CADPS2: variants seen among roughly 807,000 people sequenced by gnomAD.
CADPS2 encodes the protein calcium dependent secretion activator 2, also known as calcium-dependent secretion activator 2.
Under a neutral mutation model 172.5 loss-of-function variants are expected in CADPS2, and 93 were observed. The observed-to-expected ratio is 0.54, with a 90% CI of 0.46 to 0.64. The LOEUF is 0.64. Among genes scored for constraint, CADPS2 ranks in the 30% least tolerant of loss-of-function variants. The pLI, the probability that CADPS2 is intolerant of heterozygous loss-of-function variation, is 0.00. For synonymous variants in CADPS2, 546 were observed against 555.2 expected (o/e 0.98, Z 0.23); for missense variants, 1,420 against 1,565.9 (o/e 0.91, Z 1.57).
At chr7:122,343,017 A>AAG (rs1186071148) in intron 28 of CADPS2, among the ~76,000 whole-genome samples, 1 of 152,172 alleles carries the variant, frequency 6.6e-6, no homozygotes, top group Non-Finnish European at 1.5e-5. Flanking sequence ...CTGTTGCTTA[A>AAG]GATACACATT....
At chr7:122,817,989 GC>G (rs1802016329) in intron 1 of CADPS2, among the ~76,000 whole-genome samples, 1 of 117,978 alleles carries the variant, frequency 8.5e-6, no homozygotes, top group Admixed American at 9.6e-5. Flanking sequence ...TTATTTCCAT[GC>G]CCCGACCCCT....
At chr7:122,536,624 C>G (rs1414903627) in intron 8 of CADPS2, among the ~76,000 whole-genome samples, 1 of 152,008 alleles carries the variant, frequency 6.6e-6, no homozygotes, top group Admixed American at 6.6e-5. Flanking sequence ...GGGTCAGTAA[C>G]TGGAGTCTGA....
chr7:122,541,867 G>GTTTATATATTCATATGTTTATATATT (rs2063116306), intron 8 of CADPS2, among the ~76,000 whole-genome samples: 2 of 97,130 alleles, frequency 2.1e-5, no homozygotes, highest in African/African-American at 6.4e-5. Flanking sequence ...TTATATATAT[G>GTTTATATATTCATATGTTTATATATT]CATATATATT....
intron 3 of CADPS2, among the ~76,000 whole-genome samples, chr7:122,651,288 G>A (rs2079123713): frequency 1.3e-5 from 2 of 151,294 alleles, no homozygotes; most frequent in Admixed American, 6.6e-5. Context: ...AGACAGTGGT[G>A]GAAGTCAGTC....
intron 12 of CADPS2, among the ~76,000 whole-genome samples, chr7:122,475,682 T>A (rs1329206437): frequency 6.6e-6 from 1 of 152,212 alleles, no homozygotes; most frequent in African/African-American, 2.4e-5. Context: ...TCAGCCATAT[T>A]TGTAGATGGA....
At chr7:122,404,405 G>A (rs1369079972) in intron 20 of CADPS2, among the ~76,000 whole-genome samples, 7 of 152,132 alleles carry the variant, frequency 4.6e-5, no homozygotes, top group Admixed American at 4.6e-4. Context: ...TTGGACATTT[G>A]GGTTGGTTCC....
chr7:122,722,613 A>C (rs1429614424), intron 2 of CADPS2, among the ~76,000 whole-genome samples: 16 of 134,932 alleles, frequency 1.2e-4, no homozygotes, highest in Non-Finnish European at 4.7e-5. Flanking sequence ...AATGGCCATA[A>C]TGCCCAAGGT....
At chr7:122,837,573 G>C (rs1035667467) in intron 1 of CADPS2, among the ~76,000 whole-genome samples, 4 of 151,890 alleles carry the variant, frequency 2.6e-5, no homozygotes, top group Non-Finnish European at 1.5e-5. Flanking sequence ...TCAAATAGAC[G>C]CAATAAAAAA....
intron 1 of CADPS2, among the ~76,000 whole-genome samples, chr7:122,810,452 C>G (rs1157817788): frequency 2.6e-5 from 4 of 152,106 alleles, no homozygotes; most frequent in African/African-American, 4.8e-5. Flanking sequence ...ATGAAATTCT[C>G]AAGAAACTGG....
chr7:122,662,282 C>T (rs1300126557), intron 3 of CADPS2, among the ~76,000 whole-genome samples: 1 of 150,328 alleles, frequency 6.7e-6, no homozygotes, highest in Non-Finnish European at 1.5e-5. Context: ...CATAAACAAA[C>T]AAAATGCAAA....
intron 7 of CADPS2, among the ~76,000 whole-genome samples, chr7:122,560,674 C>T (rs2065637822): frequency 6.6e-6 from 1 of 152,192 alleles, no homozygotes; most frequent in Non-Finnish European, 1.5e-5. Flanking sequence ...GAACATCTTT[C>T]CAGATAAGTA....
chr7:122,635,109 A>T (rs767157561), intron 3 of CADPS2, among the ~76,000 whole-genome samples: 38 of 152,278 alleles, frequency 2.5e-4, no homozygotes, highest in Middle Eastern at 3.4e-3. Context: ...GCAGATGAGA[A>T]GAATGTATAT....
intron 3 of CADPS2, among the ~76,000 whole-genome samples, chr7:122,634,168 C>T (rs866928606): frequency 4.0e-4 from 61 of 152,134 alleles, no homozygotes; most frequent in African/African-American, 1.4e-3. Context: ...ATTTTGGTAT[C>T]AGGATAATGC....
At chr7:122,812,440 C>T (rs993504272) in intron 1 of CADPS2, among the ~76,000 whole-genome samples, 13 of 146,178 alleles carry the variant, frequency 8.9e-5, no homozygotes, top group African/African-American at 3.3e-4. Context: ...AGAGAGAGAG[C>T]AAGCAAAGAA....
chr7:122,865,806 T>C (rs1157021410), intron 1 of CADPS2, among the ~76,000 whole-genome samples: 2 of 152,224 alleles, frequency 1.3e-5, no homozygotes, highest in Non-Finnish European at 2.9e-5. Context: ...CTTATAAGAA[T>C]GTGAGAACAT....
At chr7:122,773,278 AC>A (rs1238861157) in intron 1 of CADPS2, among the ~76,000 whole-genome samples, 1 of 151,664 alleles carries the variant, frequency 6.6e-6, no homozygotes, top group Non-Finnish European at 1.5e-5. Context: ...TTTCTGAAAA[AC>A]CCCTTAGCCT....
At chr7:122,674,363 G>T (rs1167445498) in intron 2 of CADPS2, among the ~76,000 whole-genome samples, 1 of 152,202 alleles carries the variant, frequency 6.6e-6, no homozygotes. Context: ...AGCAAGGGCT[G>T]CTAGCACTTT....
intron 11 of CADPS2, among the ~76,000 whole-genome samples, chr7:122,486,092 G>A (rs2057783364): frequency 6.6e-6 from 1 of 152,058 alleles, no homozygotes; most frequent in Admixed American, 6.6e-5. Flanking sequence ...AGCTCTGCTG[G>A]AGATGTACAA....
Position 122,533,963 on chromosome 7 carries a change from C to T in CADPS2, c.1475+20587G>A, listed in dbSNP as rs558503115. 3.9e-5 allele frequency among the ~76,000 whole-genome samples: 6 copies of T among 152,214 alleles called. No homozygotes were observed. In the South Asian group the frequency reaches 8.3e-4, roughly 21 times the overall value. On this transcript the variant is annotated intron_variant, in intron 8 of 29. Coordinates refer to ENST00000449022, the MANE Select transcript of CADPS2 (RefSeq NM_017954.11). ...CGTCCAAGATTTCCATTTAGCCGAA[C>T]GCATGCATCTCTGCTGGCAAATGAT...
Sources: gnomAD v4.1 joint callset for allele counts (sites outside exome capture counted in the v4.1 genomes callset) on GRCh38, gnomAD v4.1.1 for gene constraint, MANE v1.5 for transcripts, NCBI Gene and HGNC (gene_info 2026-07-23, HGNC 2026-07-21) for gene names.